The following DHX15 variants were observed in gnomAD, a reference collection of about 807,000 sequenced individuals.
DHX15 encodes DEAH-box helicase 15, also known as ATP-dependent RNA helicase DHX15.
DHX15 carries 11 observed loss-of-function variants against 94.4 expected under a neutral mutation model. That is an observed-to-expected ratio of 0.12 (90% CI 0.07 to 0.19). The LOEUF (loss-of-function observed/expected upper bound fraction) is 0.19, where lower values mean the gene tolerates loss of function less well. Ranked by LOEUF, DHX15 falls within the 10% of genes least tolerant of loss-of-function variation. DHX15 has a pLI of 1.00. For synonymous variants in DHX15, 338 were observed against 329.9 expected, an observed-to-expected ratio of 1.02 and a Z score of -0.27; for missense variants, 304 against 988.5, an observed-to-expected ratio of 0.31 and a Z score of 9.29.
Position 24,544,215 on chromosome 4 carries a change from A to G in DHX15, c.1249-1189T>C, listed in dbSNP as rs139969281. On this transcript the variant is annotated intron_variant, in intron 6 of 13. Coordinates refer to ENST00000336812, the MANE Select transcript of DHX15 (RefSeq NM_001358.3). ...CCCTATTTTATTTTAAAAACACTTA[A>G]TTTTATAAATCAAATAGCTTTAAAA... 3.9e-3 allele frequency among the ~76,000 whole-genome samples: 594 copies of G among 152,298 alleles called. 3 individuals carry two copies. The highest frequency in any genetic ancestry group is 0.013 in the African/African-American group (552 of 41,566).
intron 2 of DHX15, among the ~76,000 whole-genome samples, chr4:24,575,250 G>A (rs902015019): frequency 6.6e-6 from 1 of 151,926 alleles, no homozygotes. Flanking sequence ...CCTTCAAAAT[G>A]TCTCCATGCA....
chr4:24,552,783 C>CA (rs560682007), intron 5 of DHX15, among the ~76,000 whole-genome samples: 11 of 152,096 alleles, frequency 7.2e-5, no homozygotes, highest in Non-Finnish European at 1.3e-4. Context: ...CAATGGTATG[C>CA]AAAAAAACAG....
chr4:24,547,931 A>ATCTATATCTATATC (rs1721478652), intron 6 of DHX15, among the ~76,000 whole-genome samples: 1 of 36,324 alleles, frequency 2.8e-5, no homozygotes, highest in African/African-American at 1.3e-4. Context: ...ATATATATAT[A>ATCTATATCTATATC]TATATATATA....
chr4:24,541,763 A>C, intron 8 of DHX15, 110 bp downstream of exon 8: 1 of 1,141,008 alleles, frequency 8.8e-7, no homozygotes, highest in Non-Finnish European at 1.2e-6. Flanking sequence ...AAAGCTAAGG[A>C]GCTTTTAATC....
chr4:24,579,467 G>T (rs1450197868), intron 1 of DHX15, among the ~76,000 whole-genome samples: 1 of 152,184 alleles, frequency 6.6e-6, no homozygotes, highest in Non-Finnish European at 1.5e-5. Flanking sequence ...ACTAGTTGAA[G>T]TATAAGGGTT....
intron 2 of DHX15, 44 bp from the exon 3 acceptor site, chr4:24,570,891 A>C (rs986017731): frequency 7.6e-6 from 12 of 1,580,956 alleles, no homozygotes; most frequent in African/African-American, 2.7e-5. Context: ...TTCTGCCTGC[A>C]TATCAAGTAT....
chr4:24,560,089 A>G (rs887239210), intron 3 of DHX15, among the ~76,000 whole-genome samples: 11 of 152,168 alleles, frequency 7.2e-5, no homozygotes, highest in African/African-American at 2.4e-4. Flanking sequence ...ATGGCGTAGT[A>G]TAACTACAAG....
intron 3 of DHX15, among the ~76,000 whole-genome samples, chr4:24,560,594 T>A (rs1030672315): frequency 1.3e-5 from 2 of 152,086 alleles, no homozygotes; most frequent in Non-Finnish European, 2.9e-5. Flanking sequence ...TGTTATAAGC[T>A]CCTACAAATC....
At chr4:24,559,257 A>G (rs1159926495) in intron 3 of DHX15, among the ~76,000 whole-genome samples, 1 of 151,998 alleles carries the variant, frequency 6.6e-6, no homozygotes, top group African/African-American at 2.4e-5. Flanking sequence ...GCTAGGAGAG[A>G]ATCATGAAAG....
chr4:24,529,923 A>G lies in DHX15; in HGVS notation c.2101-153T>C, dbSNP rs1721038486. The G allele has an allele frequency of 8.9e-6, 7 of 782,416 alleles. No homozygotes were observed. In the East Asian group the frequency reaches 1.6e-4, roughly 18 times the overall value. 48.5% of individuals were successfully genotyped at this position (782,416 alleles called of 1,614,324 possible). A position where few individuals can be genotyped will look rare whatever the true frequency, so the allele number is the denominator to read the frequency against. On this transcript the variant is annotated intron_variant, in intron 12 of 13. Transcript: ENST00000336812. ...CTGTCTGATAAAAGCAGAGATAAGC[A>G]AACTGCTGCCTGTGGGCCAAATCCA...
At chr4:24,574,591 AT>A (rs1316431593) in intron 2 of DHX15, among the ~76,000 whole-genome samples, 1 of 152,232 alleles carries the variant, frequency 6.6e-6, no homozygotes, top group Non-Finnish European at 1.5e-5. Flanking sequence ...AACTTTAGAT[AT>A]AAAGACAAAA....
At chr4:24,546,102 T>C (rs768003282) in intron 6 of DHX15, among the ~76,000 whole-genome samples, 7 of 152,144 alleles carry the variant, frequency 4.6e-5, no homozygotes, top group African/African-American at 4.8e-5. Flanking sequence ...CTGGACACAA[T>C]AATGCATTTA....
At chr4:24,579,311 T>C (rs1164229842) in intron 1 of DHX15, among the ~76,000 whole-genome samples, 2 of 152,162 alleles carry the variant, frequency 1.3e-5, no homozygotes, top group Admixed American at 6.5e-5. Context: ...CTTCCTTCGA[T>C]GAGAGAGGGA....
At chr4:24,543,444 C>G (rs1188019246) in intron 6 of DHX15, among the ~76,000 whole-genome samples, 1 of 152,122 alleles carries the variant, frequency 6.6e-6, no homozygotes, top group Non-Finnish European at 1.5e-5. Flanking sequence ...CAAATGAAAA[C>G]TTCGTTATTT....
At chr4:24,569,280 C>T (rs76617221) in intron 3 of DHX15, among the ~76,000 whole-genome samples, 3,772 of 152,234 alleles carry the variant, frequency 0.025, 121 homozygotes, top group African/African-American at 0.077. Flanking sequence ...ATGATAAACA[C>T]ATGCAGTTCA....
chr4:24,556,500 G>A, intron 3 of DHX15, 90 bp from the exon 4 acceptor site: 1 of 1,090,408 alleles, frequency 9.2e-7, no homozygotes, highest in Non-Finnish European at 1.3e-6. Context: ...AAGACATAAG[G>A]TAAATTAAAA....
intron 3 of DHX15, among the ~76,000 whole-genome samples, chr4:24,565,778 A>C (rs1419018479): frequency 6.6e-6 from 1 of 152,214 alleles, no homozygotes; most frequent in African/African-American, 2.4e-5. Flanking sequence ...AGCAAGAATC[A>C]GCAATGCTGA....
rs1363019201 is a variant in DHX15, at chr4:24,533,074, G to A, written c.1910-20C>T. On this transcript the variant is annotated intron_variant, in intron 11 of 13. Coordinates refer to ENST00000336812, the MANE Select transcript of DHX15 (RefSeq NM_001358.3). ...CATGATCTAAAAAGGTAGAAGGCGG[G>A]GAGAAAAGAAGGCACCATGAATCAC... is the stretch of plus-strand genomic sequence containing the variant. The A allele has an allele frequency of 1.9e-6, 3 of 1,608,830 alleles. No individual in the cohort carries two copies. The highest frequency in any genetic ancestry group is 1.1e-5 in the South Asian group (1 of 90,924).
intron 6 of DHX15, among the ~76,000 whole-genome samples, chr4:24,548,182 G>A (rs1187766032): frequency 7.4e-6 from 1 of 134,528 alleles, no homozygotes; most frequent in Non-Finnish European, 1.5e-5. Context: ...TCGCGCTGTC[G>A]CCCAGGCTGG....
Sources: gnomAD v4.1 joint callset for allele counts (sites outside exome capture counted in the v4.1 genomes callset) on GRCh38, gnomAD v4.1.1 for gene constraint, MANE v1.5 for transcripts, NCBI Gene and HGNC (gene_info 2026-07-23, HGNC 2026-07-21) for gene names.